The following ESRRB variants were observed in gnomAD, a reference collection of about 807,000 sequenced individuals.
ESRRB encodes steroid hormone receptor ERR2.
ESRRB carries 16 observed loss-of-function variants against 46.0 expected under a neutral mutation model. The observed-to-expected ratio is 0.35, with a 90% CI of 0.24 to 0.53. The LOEUF (loss-of-function observed/expected upper bound fraction) is 0.53, where lower values mean the gene tolerates loss of function less well. ESRRB is among the 20% of genes least tolerant of loss of function. The pLI is 0.93. For missense variants in ESRRB, 488 were observed against 607.4 expected, an observed-to-expected ratio of 0.80 and a Z score of 2.07; for synonymous variants, 246 against 259.6, an observed-to-expected ratio of 0.95 and a Z score of 0.50.
intron 1 of ESRRB, among the ~76,000 whole-genome samples, chr14:76,360,831 A>G (rs1884454016): frequency 6.6e-6 from 1 of 152,072 alleles, no homozygotes; most frequent in Admixed American, 6.5e-5. Context: ...GTCTGCACAC[A>G]CCTGTCTACC....
intron 1 of ESRRB, among the ~76,000 whole-genome samples, chr14:76,356,316 A>T (rs1884377916): frequency 6.6e-6 from 1 of 152,162 alleles, no homozygotes; most frequent in African/African-American, 2.4e-5. Flanking sequence ...GGTTTATGGG[A>T]TGTGCTTGTC....
intron 1 of ESRRB, among the ~76,000 whole-genome samples, chr14:76,391,085 T>C (rs965794458): frequency 6.6e-6 from 1 of 152,174 alleles, no homozygotes; most frequent in African/African-American, 2.4e-5. Flanking sequence ...GGAGAAAATA[T>C]TCCTGGCCAA....
At position 76,498,772 on chromosome 14, in the gene ESRRB, A is replaced by C; in HGVS notation, c.*314A>C. On this transcript the variant is annotated 3_prime_UTR_variant, in exon 7 of 7. Coordinates refer to ENST00000644823, the MANE Select transcript of ESRRB (RefSeq NM_001379180.1). ...CTTCAGGAGTGGAGGCCACTGGAGCAAGTGCCCTCTCCCCTCCACCGAGCC... is the reference window on the plus strand; with the variant it reads ...CTTCAGGAGTGGAGGCCACTGGAGCCAGTGCCCTCTCCCCTCCACCGAGCC... 1.4e-6 allele frequency: 1 copy of C among 703,226 alleles called. No homozygotes were observed. The highest frequency in any genetic ancestry group is 2.7e-4 in the Middle Eastern group (1 of 3,732). 43.6% of individuals were successfully genotyped at this position (703,226 alleles called of 1,614,324 possible).
chr14:76,463,733 C>T (rs1041986497), intron 3 of ESRRB, among the ~76,000 whole-genome samples: 4 of 152,064 alleles, frequency 2.6e-5, no homozygotes, highest in African/African-American at 9.7e-5. Flanking sequence ...AGGTGTAAGC[C>T]ACCGCACCCG....
At chr14:76,317,684 G>T (rs897206256) in intron 1 of ESRRB, among the ~76,000 whole-genome samples, 2 of 152,218 alleles carry the variant, frequency 1.3e-5, no homozygotes, top group Non-Finnish European at 1.5e-5. Context: ...GGCCCAGTGT[G>T]CTGTGGAAGG....
chr14:76,449,917 G>C (rs1888316082), intron 2 of ESRRB, among the ~76,000 whole-genome samples: 1 of 151,834 alleles, frequency 6.6e-6, no homozygotes, highest in African/African-American at 2.4e-5. Flanking sequence ...CACCATGCCC[G>C]GCTAATTTAT....
At chr14:76,358,835 C>A (rs1192993327) in intron 1 of ESRRB, among the ~76,000 whole-genome samples, 1 of 152,194 alleles carries the variant, frequency 6.6e-6, no homozygotes, top group Non-Finnish European at 1.5e-5. Flanking sequence ...GAGCTTAAAA[C>A]ATGTAGAATC....
intron 1 of ESRRB, among the ~76,000 whole-genome samples, chr14:76,430,590 C>T (rs567553722): frequency 4.6e-5 from 7 of 152,290 alleles, no homozygotes; most frequent in African/African-American, 9.6e-5. Flanking sequence ...TTGTCACCTG[C>T]GCTGTTCTAA....
At chr14:76,405,079 C>G (rs961846293) in intron 1 of ESRRB, among the ~76,000 whole-genome samples, 1 of 152,062 alleles carries the variant, frequency 6.6e-6, no homozygotes, top group African/African-American at 2.4e-5. Flanking sequence ...AGGATGGGCT[C>G]GCAGATTTTG....
intron 6 of ESRRB, 147 bp from the exon 7 acceptor site, chr14:76,498,067 T>G: frequency 1.1e-6 from 1 of 936,242 alleles, no homozygotes; most frequent in Non-Finnish European, 1.7e-6. Context: ...CTGTGACCTC[T>G]CTGGGCCTCA....
chr14:76,329,891 C>T (rs1426430575), intron 1 of ESRRB, among the ~76,000 whole-genome samples: 3 of 151,496 alleles, frequency 2.0e-5, no homozygotes, highest in South Asian at 2.1e-4. Context: ...TAATTGTCTT[C>T]GCCAGTGGCG....
At chr14:76,350,381 TAG>T (rs974347855) in intron 1 of ESRRB, among the ~76,000 whole-genome samples, 44 of 152,178 alleles carry the variant, frequency 2.9e-4, no homozygotes, top group African/African-American at 9.2e-4. Context: ...GCTACCTTCC[TAG>T]AGAGACAGGA....
chr14:76,322,873 G>A (rs1388110522), intron 1 of ESRRB, among the ~76,000 whole-genome samples: 2 of 152,194 alleles, frequency 1.3e-5, no homozygotes, highest in African/African-American at 2.4e-5. Flanking sequence ...CATTGCTGAG[G>A]AGAGTTATAA....
At chr14:76,493,221 C>T (rs1287843065) in intron 6 of ESRRB, among the ~76,000 whole-genome samples, 1 of 152,154 alleles carries the variant, frequency 6.6e-6, no homozygotes, top group African/African-American at 2.4e-5. Context: ...GCGATGCAAT[C>T]TCGGCTCACT....
In ESRRB at chr14:76,500,236, C is replaced by G; in HGVS notation, c.*1778C>G. ...AGAGCAGCTCTCTGATGGTGTCCCA[C>G]ACAGAAAATGTTAAGGATTTCAAGA... On this transcript the variant is annotated 3_prime_UTR_variant, in exon 7 of 7. Coordinates refer to ENST00000644823, the MANE Select transcript of ESRRB (RefSeq NM_001379180.1). The G allele has an allele frequency of 1.6e-6, 1 of 622,708 alleles. No homozygotes were observed. Among genetic ancestry groups the G allele is most frequent in the Non-Finnish European group, 2.8e-6 (1 of 355,080 alleles). The allele number at this position is 622,708 out of a possible 1,614,324, so 38.6% of individuals were successfully genotyped here. A position where few individuals can be genotyped will look rare whatever the true frequency, so the allele number is the denominator to read the frequency against.
In ESRRB at chr14:76,499,626, G is replaced by A. The variant is rs560989791; in HGVS notation, c.*1168G>A. 3 of 583,580 alleles carry A rather than the reference G, an allele frequency of 5.1e-6. No homozygotes were observed. The highest frequency in any genetic ancestry group is 4.6e-4 in the Middle Eastern group (1 of 2,196). 36.2% of individuals were successfully genotyped at this position (583,580 alleles called of 1,614,324 possible). On this transcript the variant is annotated 3_prime_UTR_variant, in exon 7 of 7. Transcript: ENST00000644823. ...CTCCTACCACACTTGGGCTACCAGAGGTTTGGTGTAGCTCCCCTGGGCACC... is the reference window on the plus strand; with the variant it reads ...CTCCTACCACACTTGGGCTACCAGAAGTTTGGTGTAGCTCCCCTGGGCACC...
intron 2 of ESRRB, among the ~76,000 whole-genome samples, chr14:76,456,879 T>A (rs947320716): frequency 6.6e-6 from 1 of 152,056 alleles, no homozygotes; most frequent in Admixed American, 6.5e-5. Context: ...ATGGTCCCTG[T>A]CTCCAGAGGT....
At chr14:76,483,598 G>A (rs1889892519) in intron 5 of ESRRB, among the ~76,000 whole-genome samples, 1 of 152,156 alleles carries the variant, frequency 6.6e-6, no homozygotes, top group Admixed American at 6.5e-5. Flanking sequence ...CAACACCCAT[G>A]TATTCTACAT....
chr14:76,435,133 G>A (rs577722745), intron 1 of ESRRB, among the ~76,000 whole-genome samples: 230 of 152,328 alleles, frequency 1.5e-3, no homozygotes, highest in Admixed American at 2.2e-3. Flanking sequence ...ATGGGCAGCC[G>A]CTAGTATCGC....
Sources: gnomAD v4.1 joint callset for allele counts (sites outside exome capture counted in the v4.1 genomes callset) on GRCh38, gnomAD v4.1.1 for gene constraint, MANE v1.5 for transcripts, NCBI Gene and HGNC (gene_info 2026-07-23, HGNC 2026-07-21) for gene names.